FTO: variants seen among roughly 807,000 people sequenced by gnomAD.
FTO encodes the protein alpha-ketoglutarate-dependent dioxygenase FTO.
In FTO, 47 loss-of-function variants were observed where a neutral mutation model predicts 63.9. That is an observed-to-expected ratio of 0.74 (90% CI 0.58 to 0.94). The LOEUF is 0.94. FTO is among the 40% of genes least tolerant of loss of function. The pLI, the probability that FTO is intolerant of heterozygous loss-of-function variation, is 0.00. For synonymous variants in FTO, 207 were observed against 224.4 expected (o/e 0.92, Z 0.69); for missense variants, 562 against 618.1 (o/e 0.91, Z 0.96).
At chr16:53,769,190 T>G (rs1046157434) in intron 1 of FTO, among the ~76,000 whole-genome samples, 10 of 152,206 alleles carry the variant, frequency 6.6e-5, no homozygotes, top group Non-Finnish European at 8.8e-5. Context: ...TATTGCATAT[T>G]CGATTATGTC....
At chr16:53,831,029 A>G (rs2079129430) in intron 3 of FTO, among the ~76,000 whole-genome samples, 1 of 152,208 alleles carries the variant, frequency 6.6e-6, no homozygotes. Flanking sequence ...TTGGAATTCT[A>G]GGATTTCCAT....
At chr16:54,017,784 G>T (rs2084487757) in intron 8 of FTO, among the ~76,000 whole-genome samples, 3 of 152,118 alleles carry the variant, frequency 2.0e-5, no homozygotes, top group Admixed American at 2.0e-4. Flanking sequence ...TGAGCTTTCT[G>T]CATCTGCCTC....
intron 8 of FTO, among the ~76,000 whole-genome samples, chr16:54,084,321 G>C (rs925105583): frequency 6.6e-6 from 1 of 152,190 alleles, no homozygotes; most frequent in East Asian, 1.9e-4. Flanking sequence ...TGACAGTCCT[G>C]TTCTAGTCTT....
chr16:54,079,714 G>A (rs1317414212), intron 8 of FTO, among the ~76,000 whole-genome samples: 1 of 152,128 alleles, frequency 6.6e-6, no homozygotes, highest in Non-Finnish European at 1.5e-5. Context: ...GAGCCTGGAC[G>A]AGTTTCAAAC....
At chr16:53,804,056 A>AG (rs2078292815) in intron 1 of FTO, among the ~76,000 whole-genome samples, 1 of 152,218 alleles carries the variant, frequency 6.6e-6, no homozygotes, top group African/African-American at 2.4e-5. Flanking sequence ...AAATGTATTG[A>AG]GGGGCTGTTT....
At chr16:53,833,676 AC>A (rs112845651) in intron 3 of FTO, among the ~76,000 whole-genome samples, 5,307 of 152,248 alleles carry the variant, frequency 0.035, 243 homozygotes, top group East Asian at 0.1. Flanking sequence ...CAGCGACTGA[AC>A]TGTTTTATAT....
At chr16:53,969,378 A>G (rs13337685) in intron 8 of FTO, among the ~76,000 whole-genome samples, 3,773 of 152,286 alleles carry the variant, frequency 0.025, 137 homozygotes, top group African/African-American at 0.086. Flanking sequence ...TGTTTACTAA[A>G]GGTCCTTGGT....
intron 1 of FTO, among the ~76,000 whole-genome samples, chr16:53,721,444 C>T (rs1488092911): frequency 6.6e-6 from 1 of 151,982 alleles, no homozygotes; most frequent in Non-Finnish European, 1.5e-5. Context: ...ATTTTTTTCT[C>T]AATTGGATGA....
chr16:53,789,765 T>C (rs915857501), intron 1 of FTO, among the ~76,000 whole-genome samples: 1 of 143,002 alleles, frequency 7.0e-6, no homozygotes, highest in Non-Finnish European at 1.5e-5. Flanking sequence ...TATATATATA[T>C]ATACACACAC....
chr16:53,940,847 A>G (rs983340295), intron 8 of FTO, among the ~76,000 whole-genome samples: 2 of 151,932 alleles, frequency 1.3e-5, no homozygotes, highest in African/African-American at 4.8e-5. Context: ...TGGTAAAACA[A>G]CGGTCTTATT....
At position 53,934,651 on chromosome 16, in the gene FTO, G is replaced by A. The variant is rs541434907; in HGVS notation, c.1364+542G>A. Among the ~76,000 whole-genome samples the A allele has an allele frequency of 2.4e-4, 37 of 152,230 alleles. No homozygotes were observed. The East Asian group carries it at 2.9e-3, about 12-fold the overall frequency. On this transcript the variant is annotated intron_variant, in intron 8 of 8. Transcript: ENST00000471389. ...GGCTATATGGTGTCGTCTGTTGCTC[G>A]GGGGCTGCAAACCTGTACAGCATGT...
At chr16:53,736,416 C>T (rs575192430) in intron 1 of FTO, among the ~76,000 whole-genome samples, 16 of 151,288 alleles carry the variant, frequency 1.1e-4, no homozygotes, top group African/African-American at 2.4e-4. Context: ...AAGTCAATAT[C>T]GAGTTCTCTC....
In FTO at chr16:53,970,956, A is replaced by G. The variant is rs182885762; in HGVS notation, c.1364+36847A>G. ...CAGTGTGGAAACTTTTCTTAATAAT[A>G]GTAAGAAACTGAGCCCCAAACAACT... On this transcript the variant is annotated intron_variant, in intron 8 of 8. Coordinates refer to ENST00000471389, the MANE Select transcript of FTO (RefSeq NM_001080432.3). Among the ~76,000 whole-genome samples the G allele has an allele frequency of 1.1e-3, 171 of 152,362 alleles. 1 individual carries two copies. The highest frequency in any genetic ancestry group is 3.7e-3 in the African/African-American group (155 of 41,590).
chr16:54,050,948 A>G (rs2085297634), intron 8 of FTO, among the ~76,000 whole-genome samples: 1 of 152,232 alleles, frequency 6.6e-6, no homozygotes, highest in South Asian at 2.1e-4. Context: ...AAAACATTCT[A>G]TGTGAAAGTT....
rs545380967 is a variant in FTO at position 53,878,297 on chromosome 16, C to T, written c.976-1547C>T. Among the ~76,000 whole-genome samples, 65 of 151,086 alleles carry T rather than the reference C, an allele frequency of 4.3e-4. 1 individual carries two copies. The South Asian group carries it at 0.013, about 30-fold the overall frequency. Reference sequence around the variant, plus strand: ...TGGTCTGGGCCAGAGAGTGAGACCCCGTCTCAAAAAAAAAAAGTGTTGTTG... The same window carrying T: ...TGGTCTGGGCCAGAGAGTGAGACCCTGTCTCAAAAAAAAAAAGTGTTGTTG... On this transcript the variant is annotated intron_variant, in intron 5 of 8. Transcript: ENST00000471389.
chr16:53,746,674 ATACT>A (rs1198398118), intron 1 of FTO, among the ~76,000 whole-genome samples: 7 of 152,326 alleles, frequency 4.6e-5, no homozygotes, highest in South Asian at 2.1e-4. Context: ...ATCAGGTCAA[ATACT>A]TACCATTCCT....
intron 8 of FTO, among the ~76,000 whole-genome samples, chr16:53,990,104 A>G (rs1467973230): frequency 6.6e-6 from 1 of 152,162 alleles, no homozygotes; most frequent in Non-Finnish European, 1.5e-5. Context: ...TAAATTTGGG[A>G]GGAGTCAAAA....
chr16:53,959,022 AAAT>A (rs2083002076), intron 8 of FTO, among the ~76,000 whole-genome samples: 1 of 152,346 alleles, frequency 6.6e-6, no homozygotes, highest in African/African-American at 2.4e-5. Context: ...GTTTAATCCT[AAAT>A]AATAATAATA....
intron 8 of FTO, among the ~76,000 whole-genome samples, chr16:54,022,053 G>C (rs1599223675): frequency 6.6e-6 from 1 of 152,084 alleles, no homozygotes; most frequent in East Asian, 1.9e-4. Flanking sequence ...CTATTTATTT[G>C]TGGGCTACCA....
Sources: gnomAD v4.1 joint callset for allele counts (sites outside exome capture counted in the v4.1 genomes callset) on GRCh38, gnomAD v4.1.1 for gene constraint, MANE v1.5 for transcripts, NCBI Gene and HGNC (gene_info 2026-07-23, HGNC 2026-07-21) for gene names.